ARHGAP15: variants seen among roughly 807,000 people sequenced by gnomAD.
ARHGAP15 encodes Rho GTPase activating protein 15, also known as rho GTPase-activating protein 15.
Under a neutral mutation model 63.7 loss-of-function variants are expected in ARHGAP15, and 51 were observed. The ratio of observed to expected loss-of-function variants is 0.80; its 90% CI spans 0.64 to 1.01. The LOEUF is 1.01. Ranked by LOEUF, ARHGAP15 falls within the 50% of genes least tolerant of loss-of-function variation. The pLI is 0.00. For synonymous variants in ARHGAP15, 191 were observed against 193.8 expected, an observed-to-expected ratio of 0.99 and a Z score of 0.12; for missense variants, 560 against 564.6, an observed-to-expected ratio of 0.99 and a Z score of 0.08.
At chr2:143,756,036 A>G (rs1455004141) in intron 13 of ARHGAP15, among the ~76,000 whole-genome samples, 2 of 152,172 alleles carry the variant, frequency 1.3e-5, no homozygotes, top group Non-Finnish European at 2.9e-5. Context: ...GAATGATGAT[A>G]CCCAAATTGC....
chr2:143,150,133 A>AT (rs1184648117), intron 1 of ARHGAP15, among the ~76,000 whole-genome samples: 4 of 151,900 alleles, frequency 2.6e-5, no homozygotes, highest in African/African-American at 7.3e-5. Context: ...CCAAGCCTAC[A>AT]TTTTCTCTAC....
chr2:143,361,623 A>G (rs1374697182), intron 6 of ARHGAP15, among the ~76,000 whole-genome samples: 1 of 152,184 alleles, frequency 6.6e-6, no homozygotes, highest in East Asian at 1.9e-4. Context: ...TGTCTTAATT[A>G]AAAATAGTGT....
At chr2:143,591,914 C>T (rs1697337444) in intron 11 of ARHGAP15, among the ~76,000 whole-genome samples, 1 of 138,288 alleles carries the variant, frequency 7.2e-6, no homozygotes, top group African/African-American at 2.7e-5. Context: ...GCCACTGCAC[C>T]TGGCTGGGAT....
At chr2:143,361,258 C>T (rs1323739204) in intron 6 of ARHGAP15, among the ~76,000 whole-genome samples, 1 of 152,180 alleles carries the variant, frequency 6.6e-6, no homozygotes, top group African/African-American at 2.4e-5. Flanking sequence ...CCAGTTGAAT[C>T]TTCAGCCCTT....
chr2:143,327,896 A>G (rs1684328863), intron 6 of ARHGAP15, among the ~76,000 whole-genome samples: 1 of 115,484 alleles, frequency 8.7e-6, no homozygotes, highest in South Asian at 2.9e-4. Flanking sequence ...GAACTTAAAC[A>G]AATTTACAAG....
intron 12 of ARHGAP15, among the ~76,000 whole-genome samples, chr2:143,639,081 T>C (rs753122171): frequency 5.3e-5 from 8 of 152,090 alleles, no homozygotes; most frequent in Non-Finnish European, 8.8e-5. Context: ...TCCAAAGCTG[T>C]TACTCTTAAC....
chr2:143,510,068 A>G (rs1344024659), intron 9 of ARHGAP15, among the ~76,000 whole-genome samples: 1 of 150,872 alleles, frequency 6.6e-6, no homozygotes, highest in African/African-American at 2.4e-5. Context: ...ATGCTTTGAT[A>G]AGCAATCTAA....
chr2:143,286,128 C>T (rs1682085225), intron 6 of ARHGAP15, among the ~76,000 whole-genome samples: 1 of 152,162 alleles, frequency 6.6e-6, no homozygotes, highest in Non-Finnish European at 1.5e-5. Context: ...TTACAAAGTG[C>T]TTTCAAATGC....
intron 8 of ARHGAP15, among the ~76,000 whole-genome samples, chr2:143,469,843 A>T (rs925364863): frequency 1.3e-5 from 2 of 152,200 alleles, no homozygotes; most frequent in Admixed American, 1.3e-4. Flanking sequence ...AAAGTTATAT[A>T]TGTGCCCCAC....
chr2:143,217,607 G>A (rs1316637024), intron 4 of ARHGAP15, among the ~76,000 whole-genome samples: 2 of 152,038 alleles, frequency 1.3e-5, no homozygotes, highest in African/African-American at 2.4e-5. Context: ...GGTGAATTGG[G>A]CTTAGAGAAT....
chr2:143,364,718 G>A (rs1346007383), intron 6 of ARHGAP15, among the ~76,000 whole-genome samples: 1 of 152,178 alleles, frequency 6.6e-6, no homozygotes, highest in Non-Finnish European at 1.5e-5. Context: ...CTCTCACAGA[G>A]TACATGTACT....
intron 2 of ARHGAP15, among the ~76,000 whole-genome samples, chr2:143,156,149 C>T (rs1264606929): frequency 6.6e-6 from 1 of 151,756 alleles, no homozygotes; most frequent in African/African-American, 2.4e-5. Context: ...GATTGAAATG[C>T]TGTGGCTATT....
chr2:143,313,761 T>C (rs1683557063), intron 6 of ARHGAP15, among the ~76,000 whole-genome samples: 2 of 152,212 alleles, frequency 1.3e-5, no homozygotes, highest in Admixed American at 6.6e-5. Flanking sequence ...TTTGCTAATG[T>C]GTCTTCTGTA....
intron 1 of ARHGAP15, among the ~76,000 whole-genome samples, chr2:143,133,041 G>A (rs1573987787): frequency 6.6e-6 from 1 of 152,162 alleles, no homozygotes; most frequent in Non-Finnish European, 1.5e-5. Flanking sequence ...CTCTATTAGA[G>A]TTCAGAAATT....
At chr2:143,134,135 CTATCT>C (rs1689031652) in intron 1 of ARHGAP15, among the ~76,000 whole-genome samples, 1 of 30,158 alleles carries the variant, frequency 3.3e-5, no homozygotes, top group East Asian at 5.0e-4. Flanking sequence ...ATCTATCTAT[CTATCT>C]ATCTATCTAT....
chr2:143,331,944 G>A (rs1003280305), intron 6 of ARHGAP15, among the ~76,000 whole-genome samples: 2 of 152,166 alleles, frequency 1.3e-5, no homozygotes, highest in African/African-American at 4.8e-5. Flanking sequence ...GTTTTACAAA[G>A]CATACATTTC....
chr2:143,687,258 GCTGA>G (rs756080560), intron 12 of ARHGAP15, among the ~76,000 whole-genome samples: 9 of 152,136 alleles, frequency 5.9e-5, no homozygotes, highest in South Asian at 2.1e-4. Context: ...GAAATGAACA[GCTGA>G]CTATTTTCTT....
At chr2:143,597,408 T>A (rs1574683081) in intron 11 of ARHGAP15, among the ~76,000 whole-genome samples, 2 of 152,152 alleles carry the variant, frequency 1.3e-5, no homozygotes, top group Admixed American at 1.3e-4. Context: ...ATCCAGTTTA[T>A]GAGGAAATGT....
intron 10 of ARHGAP15, among the ~76,000 whole-genome samples, chr2:143,548,720 T>C (rs957940752): frequency 1.3e-5 from 2 of 151,942 alleles, no homozygotes; most frequent in Admixed American, 6.6e-5. Flanking sequence ...ATAATGATGA[T>C]AACCAAAAGC....
Sources: allele counts gnomAD v4.1 joint callset (sites outside exome capture counted in the v4.1 genomes callset), GRCh38; gene constraint gnomAD v4.1.1; transcripts MANE v1.5; gene names NCBI Gene and HGNC (gene_info 2026-07-23, HGNC 2026-07-21).